LRRC3B: variants seen among roughly 807,000 people sequenced by gnomAD.
LRRC3B encodes leucine rich repeat containing 3B, also known as leucine-rich repeat-containing protein 3B.
LRRC3B carries 2 observed loss-of-function variants against 12.8 expected under a neutral mutation model. That is an observed-to-expected ratio of 0.16 (90% CI 0.06 to 0.49). The LOEUF is 0.49. Among genes scored for constraint, LRRC3B ranks in the 20% least tolerant of loss-of-function variants. The pLI is 0.96. For synonymous variants in LRRC3B, 132 were observed against 122.0 expected (o/e 1.08, Z -0.54); for missense variants, 189 against 319.4 (o/e 0.59, Z 3.11).
chr3:26,636,923 T>TC (rs1698902335), intron 1 of LRRC3B, among the ~76,000 whole-genome samples: 2 of 62,124 alleles, frequency 3.2e-5, no homozygotes, highest in African/African-American at 2.2e-4. Flanking sequence ...TCTCTCTTTC[T>TC]TTCTTTCTTT....
chr3:26,647,312 T>C lies in LRRC3B; in HGVS notation c.-161+24075T>C, dbSNP rs544705761. Among the ~76,000 whole-genome samples, 3 of 152,238 alleles carry C rather than the reference T, an allele frequency of 2.0e-5. No individual in the cohort carries two copies. In the South Asian group the frequency reaches 6.2e-4, roughly 32 times the overall value. ...ATGACTCATTTGTGTTTTGTGCATATTGTCAGCCTCTCTCTCTCAACCCAG... is the reference window on the plus strand; with the variant it reads ...ATGACTCATTTGTGTTTTGTGCATACTGTCAGCCTCTCTCTCTCAACCCAG... On this transcript the variant is annotated intron_variant, in intron 1 of 1. Transcript: ENST00000396641.
At chr3:26,694,065 CT>C (rs1700250440) in intron 1 of LRRC3B, among the ~76,000 whole-genome samples, 1 of 152,184 alleles carries the variant, frequency 6.6e-6, no homozygotes, top group Admixed American at 6.5e-5. Flanking sequence ...TATTATGCAA[CT>C]TGACAGTGAT....
intron 1 of LRRC3B, among the ~76,000 whole-genome samples, chr3:26,627,752 T>C (rs184240294): frequency 1.1e-3 from 171 of 152,356 alleles, no homozygotes; most frequent in Admixed American, 7.8e-4. Flanking sequence ...GAAGTCAATT[T>C]TGTTTTTATG....
chr3:26,624,410 G>A (rs1396929116), intron 1 of LRRC3B: 2 of 152,648 alleles, frequency 1.3e-5, no homozygotes, highest in Non-Finnish European at 2.9e-5. Flanking sequence ...AGTCAAGGAT[G>A]TTTCCACAGC....
intron 1 of LRRC3B, among the ~76,000 whole-genome samples, chr3:26,685,613 G>GTATATATATA (rs1295308629): frequency 4.3e-5 from 5 of 116,734 alleles, no homozygotes; most frequent in South Asian, 5.3e-4. Context: ...ATATGTGTGT[G>GTATATATATA]TGTATATATA....
intron 1 of LRRC3B, among the ~76,000 whole-genome samples, chr3:26,626,435 ATAT>A (rs1208394068): frequency 1.3e-5 from 2 of 152,278 alleles, no homozygotes; most frequent in African/African-American, 4.8e-5. Flanking sequence ...GGGATCTCAG[ATAT>A]TATCCCACCC....
intron 1 of LRRC3B, among the ~76,000 whole-genome samples, chr3:26,632,161 T>C (rs967499017): frequency 6.6e-6 from 1 of 152,076 alleles, no homozygotes; most frequent in South Asian, 2.1e-4. Context: ...TACAAAGGGG[T>C]GAAACAATTA....
chr3:26,659,077 G>A (rs958835068), intron 1 of LRRC3B, among the ~76,000 whole-genome samples: 1 of 152,114 alleles, frequency 6.6e-6, no homozygotes, highest in East Asian at 1.9e-4. Flanking sequence ...AAAAATGGGA[G>A]GTGGAAGTAA....
At chr3:26,685,627 ATATATATC>A (rs1198369104) in intron 1 of LRRC3B, among the ~76,000 whole-genome samples, 3 of 96,648 alleles carry the variant, frequency 3.1e-5, no homozygotes, top group East Asian at 7.1e-4. Context: ...ATATATATAT[ATATATATC>A]TATATACCTC....
At chr3:26,660,682 GGTCTTCT>G (rs1214880101) in intron 1 of LRRC3B, among the ~76,000 whole-genome samples, 1 of 152,008 alleles carries the variant, frequency 6.6e-6, no homozygotes, top group Non-Finnish European at 1.5e-5. Context: ...AAAGGAAAAT[GGTCTTCT>G]GACATATCTA....
intron 1 of LRRC3B, among the ~76,000 whole-genome samples, chr3:26,655,130 A>G (rs1049839754): frequency 1.3e-5 from 2 of 152,186 alleles, no homozygotes; most frequent in African/African-American, 2.4e-5. Flanking sequence ...GCCACTTTTC[A>G]TAAGTTGAAG....
At chr3:26,692,424 G>A (rs565868598) in intron 1 of LRRC3B, among the ~76,000 whole-genome samples, 2 of 152,288 alleles carry the variant, frequency 1.3e-5, no homozygotes, top group Non-Finnish European at 1.5e-5. Context: ...CACCTTAGAC[G>A]TGCATGGATA....
intron 1 of LRRC3B, among the ~76,000 whole-genome samples, chr3:26,650,921 A>G (rs1430491635): frequency 4.6e-5 from 7 of 152,148 alleles, no homozygotes; most frequent in Non-Finnish European, 8.8e-5. Flanking sequence ...GTATCTAAAC[A>G]GTAAATTGAT....
intron 1 of LRRC3B, among the ~76,000 whole-genome samples, chr3:26,660,000 A>T (rs1465510567): frequency 6.6e-6 from 1 of 152,200 alleles, no homozygotes; most frequent in Non-Finnish European, 1.5e-5. Flanking sequence ...CAAATTTCTC[A>T]TTCTGCAAAA....
At chr3:26,675,053 C>T (rs1257776188) in intron 1 of LRRC3B, among the ~76,000 whole-genome samples, 1 of 152,164 alleles carries the variant, frequency 6.6e-6, no homozygotes, top group African/African-American at 2.4e-5. Context: ...ATCCTCCTCT[C>T]AACATGTTCT....
chr3:26,630,322 C>T lies in LRRC3B; in HGVS notation c.-161+7085C>T, dbSNP rs550836200. On this transcript the variant is annotated intron_variant, in intron 1 of 1. Transcript: ENST00000396641. The stretch of plus-strand genomic sequence containing the variant: ...TTCTACTCTGATTTACTCCATAGTG[C>T]CCTTTGACAGTCTGACAAAGCCTGC... 4.6e-5 allele frequency among the ~76,000 whole-genome samples: 7 copies of T among 152,304 alleles called. No individual in the cohort carries two copies. In the South Asian group the frequency reaches 1.2e-3, roughly 27 times the overall value.
rs1182431333 is a variant in LRRC3B, at chr3:26,662,326, A to T, written c.-161+39089A>T. On this transcript the variant is annotated intron_variant, in intron 1 of 1. Coordinates refer to ENST00000396641, the Ensembl canonical transcript of LRRC3B. ...AAGAAAAATATTCTTGTTTGCTAGG[A>T]CTGATATTCATCTGATATGCATGAG... 2.0e-5 allele frequency among the ~76,000 whole-genome samples: 3 copies of T among 152,076 alleles called. No individual in the cohort carries two copies. The East Asian group carries it at 5.8e-4, about 29-fold the overall frequency.
chr3:26,706,317 C>T (rs2125463714), intron 1 of LRRC3B, among the ~76,000 whole-genome samples: 1 of 152,272 alleles, frequency 6.6e-6, no homozygotes, highest in South Asian at 2.1e-4. Context: ...ATTCAAACCA[C>T]AGCAGCATCC....
chr3:26,647,341 T>G (rs563322124), intron 1 of LRRC3B, among the ~76,000 whole-genome samples: 1 of 152,128 alleles, frequency 6.6e-6, no homozygotes, highest in Non-Finnish European at 1.5e-5. Flanking sequence ...AACCCAGAGA[T>G]CCTGGGAGCA....
Sources: allele counts gnomAD v4.1 joint callset (sites outside exome capture counted in the v4.1 genomes callset), GRCh38; gene constraint gnomAD v4.1.1; transcripts MANE v1.5; gene names NCBI Gene and HGNC (gene_info 2026-07-23, HGNC 2026-07-21).